Variants in PPWD1 observed in about 807,000 individuals in gnomAD.
PPWD1 encodes peptidylprolyl isomerase domain and WD repeat-containing protein 1.
Under a neutral mutation model 68.8 loss-of-function variants are expected in PPWD1, and 43 were observed. The observed-to-expected ratio is 0.62, with a 90% CI of 0.49 to 0.81. PPWD1 has a LOEUF of 0.81. PPWD1 is among the 30% of genes least tolerant of loss of function. The pLI is 0.00. For missense variants in PPWD1, 672 were observed against 804.8 expected (o/e 0.83, Z 2.00); for synonymous variants, 232 against 258.7 (o/e 0.90, Z 0.99).
chr5:65,578,751 C>CATATATGTGTATATATATATACAT lies in PPWD1; in HGVS notation c.1161-629_1161-606dup, dbSNP rs761626603. On this transcript the variant is annotated intron_variant, in intron 6 of 10. Coordinates refer to ENST00000261308, the MANE Select transcript of PPWD1 (RefSeq NM_015342.4). ...ATATATATACATATATATATACACA[C>CATATATGTGTATATATATATACAT]ATATATGTGTATATATATATACATA... Among the ~76,000 whole-genome samples, 946 of 138,426 alleles carry CATATATGTGTATATATATATACAT rather than the reference C, an allele frequency of 6.8e-3. 11 individuals are homozygous for CATATATGTGTATATATATATACAT. Among genetic ancestry groups the CATATATGTGTATATATATATACAT allele is most frequent in the African/African-American group, 0.019 (708 of 36,588 alleles). 90.8% of individuals were successfully genotyped at this position (138,426 alleles called of 152,430 possible). A position where few individuals can be genotyped will look rare whatever the true frequency, so the allele number is the denominator to read the frequency against.
intron 4 of PPWD1, among the ~76,000 whole-genome samples, chr5:65,571,527 A>C (rs1753005563): frequency 6.6e-6 from 1 of 152,224 alleles, no homozygotes; most frequent in African/African-American, 2.4e-5. Flanking sequence ...AATGTCCCAG[A>C]AGATCTTAAG....
intron 1 of PPWD1, 71 bp from the exon 2 acceptor site, chr5:65,567,442 A>G: frequency 1.4e-6 from 2 of 1,443,784 alleles, no homozygotes; most frequent in Non-Finnish European, 1.8e-6. Flanking sequence ...AATTTTAAAT[A>G]AAGAAAATAC....
At chr5:65,573,032 G>C (rs1160629925) in intron 5 of PPWD1, among the ~76,000 whole-genome samples, 1 of 152,146 alleles carries the variant, frequency 6.6e-6, no homozygotes, top group Admixed American at 6.5e-5. Context: ...CAAGACCAGA[G>C]TCATGGCTTA....
In PPWD1 at chr5:65,586,165, T is replaced by C; in HGVS notation, c.1781T>C (p.Ile594Thr). 4 of 1,612,902 alleles carry C rather than the reference T, an allele frequency of 2.5e-6. No individual in the cohort carries two copies. The highest frequency in any genetic ancestry group is 3.4e-6 in the Non-Finnish European group (4 of 1,179,248). ...GSNTNGSQFFITVVPTPWLDN... is the reference protein window; with the variant it reads ...GSNTNGSQFFTTVVPTPWLDN... ...AATACTAATGGATCCCAGTTTTTCA[T>C]AACGGTAGTACCAACGGTAAGTACA... Residue 594 changes from isoleucine (I) to threonine (T), a missense_variant, in exon 10 of 11, where the codon ATA (isoleucine) becomes ACA (threonine). Around this residue, in one of 2 missense-constraint regions of PPWD1, gnomAD observed 484 missense variants for 646.2 expected, o/e 0.75. Coordinates refer to ENST00000261308, the MANE Select transcript of PPWD1 (RefSeq NM_015342.4).
chr5:65,569,923 G>C lies in PPWD1; in HGVS notation c.446G>C (p.Cys149Ser). Residue 149 changes from cysteine to serine, a missense_variant, in exon 4 of 11, where the codon TGT becomes TCT. Cys to Ser is a moderately radical substitution (Grantham distance 112). Coordinates refer to ENST00000261308, the MANE Select transcript of PPWD1 (RefSeq NM_015342.4). ...IAVSSEGALF[C>S]SVGDDKAMKV... ...GTTAGCTCTGAGGGAGCATTGTTCTGTTCTGTGGGTGATGATAAAGCAATG... is the reference window on the plus strand; with the variant it reads ...GTTAGCTCTGAGGGAGCATTGTTCTCTTCTGTGGGTGATGATAAAGCAATG... 6.2e-7 allele frequency: 1 copy of C among 1,612,450 alleles called. No individual in the cohort carries two copies. Among genetic ancestry groups the C allele is most frequent in the South Asian group, 1.1e-5 (1 of 90,910 alleles).
chr5:65,586,260 A>G, intron 10 of PPWD1, 79 bp downstream of exon 10: 1 of 1,304,726 alleles, frequency 7.7e-7, no homozygotes, highest in African/African-American at 1.5e-5. Flanking sequence ...GAAGAGCTGC[A>G]TTATTCTGTA....
At chr5:65,585,977 T>G (rs546299830) in intron 9 of PPWD1, 22 bp from the exon 10 acceptor site, 3 of 1,608,444 alleles carry the variant, frequency 1.9e-6, no homozygotes, top group Non-Finnish European at 2.5e-6. Context: ...CAATGTAATG[T>G]TTTTGTGTAC....
intron 6 of PPWD1, among the ~76,000 whole-genome samples, chr5:65,577,502 G>A (rs1187578276): frequency 6.6e-6 from 1 of 152,086 alleles, no homozygotes; most frequent in Non-Finnish European, 1.5e-5. Flanking sequence ...TTTGGTCTTA[G>A]TACAAAATAG....
intron 9 of PPWD1, among the ~76,000 whole-genome samples, chr5:65,585,499 G>A (rs1342908002): frequency 6.6e-6 from 1 of 152,164 alleles, no homozygotes; most frequent in Non-Finnish European, 1.5e-5. Context: ...CAGAGGAGGA[G>A]AGAGAACTCA....
At chr5:65,577,319 GT>G (rs538368094) in intron 6 of PPWD1, among the ~76,000 whole-genome samples, 5 of 151,682 alleles carry the variant, frequency 3.3e-5, no homozygotes, top group Admixed American at 3.3e-4. Context: ...GTTGTTGTGT[GT>G]TTTTTTTAAC....
At chr5:65,570,053 A>C (rs1561723341) in intron 4 of PPWD1, 55 bp downstream of exon 4, 6 of 1,462,770 alleles carry the variant, frequency 4.1e-6, no homozygotes, top group Non-Finnish European at 4.7e-6. Flanking sequence ...TTTGTAAATC[A>C]GACTTTACCA....
intron 8 of PPWD1, among the ~76,000 whole-genome samples, chr5:65,584,323 G>C (rs1753725403): frequency 6.6e-6 from 1 of 151,972 alleles, no homozygotes; most frequent in African/African-American, 2.4e-5. Flanking sequence ...AGTATTACAT[G>C]GTAATGAACC....
At chr5:65,563,953 A>G in intron 1 of PPWD1, 1 of 1,026,720 alleles carries the variant, frequency 9.7e-7, no homozygotes, top group Non-Finnish European at 1.4e-6. Context: ...ATGGTAGGTA[A>G]AGATAATTTC....
At chr5:65,579,859 T>C (rs925449255) in intron 7 of PPWD1, among the ~76,000 whole-genome samples, 9 of 152,250 alleles carry the variant, frequency 5.9e-5, no homozygotes, top group African/African-American at 1.9e-4. Flanking sequence ...TGTGTTGTTT[T>C]AGATAGTAGG....
chr5:65,574,613 G>A (rs1050970703), intron 5 of PPWD1, among the ~76,000 whole-genome samples: 5 of 151,116 alleles, frequency 3.3e-5, no homozygotes, highest in African/African-American at 9.7e-5. Flanking sequence ...ACAGGCGCCC[G>A]CCACTGCGCC....
chr5:65,586,381 G>T (rs1288895937), intron 10 of PPWD1, among the ~76,000 whole-genome samples, 200 bp downstream of exon 10: 1 of 152,126 alleles, frequency 6.6e-6, no homozygotes, highest in Admixed American at 6.6e-5. Context: ...TGCCACTGTA[G>T]TAAGAAATAC....
chr5:65,582,195 C>G (rs1344268538), intron 7 of PPWD1, among the ~76,000 whole-genome samples: 1 of 152,152 alleles, frequency 6.6e-6, no homozygotes, highest in Admixed American at 6.5e-5. Context: ...AATTAAGTTA[C>G]ATCAGATAGA....
intron 6 of PPWD1, 177 bp from the exon 7 acceptor site, chr5:65,579,247 G>T: frequency 9.4e-7 from 1 of 1,061,456 alleles, no homozygotes. Flanking sequence ...GAAAATTATA[G>T]CTGCCTACCA....
chr5:65,568,333 A>G (rs1401703119), intron 2 of PPWD1, among the ~76,000 whole-genome samples: 7 of 151,968 alleles, frequency 4.6e-5, no homozygotes, highest in Non-Finnish European at 1.0e-4. Flanking sequence ...TTTTTCATAA[A>G]TTTTCTTATT....
Sources: gnomAD v4.1 joint callset for allele counts (sites outside exome capture counted in the v4.1 genomes callset) on GRCh38, gnomAD v4.1.1 for gene constraint, gnomAD v4.1.1 regional missense constraint, MANE v1.5 for transcripts, NCBI Gene and HGNC (gene_info 2026-07-23, HGNC 2026-07-21) for gene names.